Variants in INPP5E observed in about 807,000 individuals in gnomAD.
The protein encoded by INPP5E is inositol polyphosphate-5-phosphatase E, also known as phosphatidylinositol polyphosphate 5-phosphatase type IV.
INPP5E carries 34 observed loss-of-function variants against 50.5 expected under a neutral mutation model. The observed-to-expected ratio is 0.67, with a 90% CI of 0.51 to 0.90. The LOEUF (loss-of-function observed/expected upper bound fraction) is 0.90, where lower values mean the gene tolerates loss of function less well. Among genes scored for constraint, INPP5E ranks in the 40% least tolerant of loss-of-function variants. The pLI, the probability that INPP5E is intolerant of heterozygous loss-of-function variation, is 0.00. For missense variants in INPP5E, 942 were observed against 905.5 expected (o/e 1.04, Z -0.52); for synonymous variants, 447 against 406.0 (o/e 1.10, Z -1.21).
At chr9:136,429,887 G>A (rs1328242160) in intron 9 of INPP5E, 80 bp from the exon 10 acceptor site, 1 of 1,063,918 alleles carries the variant, frequency 9.4e-7, no homozygotes, top group Non-Finnish European at 1.4e-6. Flanking sequence ...CCCCGGAGGA[G>A]GGGGCATTTA....
At chr9:136,435,229 C>T (rs960497066) in intron 1 of INPP5E, among the ~76,000 whole-genome samples, 2 of 152,204 alleles carry the variant, frequency 1.3e-5, no homozygotes, top group Admixed American at 1.3e-4. Flanking sequence ...GGTCCTCCTC[C>T]TTTCTCCTTT....
chr9:136,431,149 G>A, intron 7 of INPP5E, 32 bp from the exon 8 acceptor site: 8 of 1,477,620 alleles, frequency 5.4e-6, no homozygotes, highest in Non-Finnish European at 7.5e-6. Flanking sequence ...GACTGGCTCA[G>A]ACCAGCTTGT....
Position 136,429,404 on chromosome 9 carries a change from G to C in INPP5E, c.*271C>G, listed in dbSNP as rs1442333164. ...CCCCCGAGAGTGGCTGGGGTCCGTG[G>C]TGCTGCTGGGCGGGTCCAAACCCTG... On this transcript the variant is annotated 3_prime_UTR_variant, in exon 10 of 10. Coordinates refer to ENST00000371712, the MANE Select transcript of INPP5E (RefSeq NM_019892.6). 3 of 553,408 alleles carry C rather than the reference G, an allele frequency of 5.4e-6. No homozygotes were observed. The highest frequency in any genetic ancestry group is 9.8e-6 in the Non-Finnish European group (3 of 306,280). The allele number at this position is 553,408 out of a possible 1,614,324, so 34.3% of individuals were successfully genotyped here.
chr9:136,432,931 G>C, intron 5 of INPP5E, 25 bp downstream of exon 5: 1 of 1,610,198 alleles, frequency 6.2e-7, no homozygotes, highest in Non-Finnish European at 8.5e-7. Flanking sequence ...CACAGCACCT[G>C]CGGTGCGGGC....
chr9:136,431,908 C>A lies in INPP5E; in HGVS notation c.1465G>T (p.Val489Leu). The A allele has an allele frequency of 3.7e-6, 6 of 1,611,226 alleles. No individual in the cohort carries two copies. The highest frequency in any genetic ancestry group is 5.1e-6 in the Non-Finnish European group (6 of 1,179,540). The change falls in exon 7 of 10, where the codon GTG becomes TTG. Residue 489 changes from valine to leucine, a missense_variant. Coordinates refer to ENST00000371712, the MANE Select transcript of INPP5E (RefSeq NM_019892.6). ...NFRLSGGRTVVDALLCQGLVV... is the reference protein window; with the variant it reads ...NFRLSGGRTVLDALLCQGLVV... ...AGGCCCTGGCACAGGAGGGCGTCCACGACTGTGCGCCCGCCACTCAGGCGG... is the reference window on the plus strand; with the variant it reads ...AGGCCCTGGCACAGGAGGGCGTCCAAGACTGTGCGCCCGCCACTCAGGCGG...
rs772797832 is a variant in INPP5E at position 136,439,425 on chromosome 9, GTC to G, written c.-8_-7del. 4.1e-5 allele frequency: 60 copies of G among 1,463,884 alleles called. 3 individuals are homozygous for G. The South Asian group carries it at 7.7e-4, about 19-fold the overall frequency. 90.7% of individuals were successfully genotyped at this position (1,463,884 alleles called of 1,614,324 possible). A position where few individuals can be genotyped will look rare whatever the true frequency, so the allele number is the denominator to read the frequency against. ...TTCTCCGCCTTGGACGGCATGGACG[GTC>G]TCTCCCGGGGCAGGCCTCGGCGCGA... On this transcript the variant is annotated 5_prime_UTR_variant, in exon 1 of 10. Transcript: ENST00000371712.
chr9:136,429,358 AG>A lies in INPP5E; in HGVS notation c.*316del, dbSNP rs1189055232. The A allele has an allele frequency of 8.7e-6, 4 of 460,860 alleles. No homozygotes were observed. The highest frequency in any genetic ancestry group is 1.2e-5 in the Non-Finnish European group (3 of 248,734). 28.5% of individuals were successfully genotyped at this position (460,860 alleles called of 1,614,324 possible). On this transcript the variant is annotated 3_prime_UTR_variant, in exon 10 of 10. Transcript: ENST00000371712. ...TGCCCCCAGGGCACAGGAGCTGCTC[AG>A]GAACGGATTCTGACGTCTGCCCCCG... is the stretch of plus-strand genomic sequence containing the variant.
At position 136,434,119 on chromosome 9, in the gene INPP5E, G is replaced by T. The variant is rs1835775767; in HGVS notation, c.952C>A (p.Leu318Met). ...TCGGCTGGGAGCAGGAACTCGTCCA[G>T]GCTGGGCGGGAGCTCCTGGAAGGAG... ...MQGQKELPPS[L>M]DEFLLPAEAD... The change falls in exon 3 of 10, where the codon CTG (leucine) becomes ATG (methionine). Residue 318 changes from leucine to methionine, a missense_variant. Physicochemically the swap from Leu to Met is conservative, Grantham distance 15. Coordinates refer to ENST00000371712, the MANE Select transcript of INPP5E (RefSeq NM_019892.6). 1.2e-6 allele frequency: 2 copies of T among 1,608,460 alleles called. No homozygotes were observed. The highest frequency in any genetic ancestry group is 1.7e-6 in the Non-Finnish European group (2 of 1,178,900).
At chr9:136,436,738 T>C (rs1835840390) in intron 1 of INPP5E, 1 of 152,262 alleles carries the variant, frequency 6.6e-6, no homozygotes, top group African/African-American at 2.4e-5. Context: ...GAGGTTCCAA[T>C]GTATGTCCCT....
At chr9:136,431,216 C>T in intron 7 of INPP5E, 99 bp from the exon 8 acceptor site, 1 of 646,316 alleles carries the variant, frequency 1.5e-6, no homozygotes, top group Admixed American at 2.3e-5. Flanking sequence ...CGCCCACCCT[C>T]CCCCCACCCG....
intron 3 of INPP5E, 50 bp from the exon 4 acceptor site, chr9:136,433,329 G>A (rs769344808): frequency 8.9e-5 from 137 of 1,536,686 alleles, no homozygotes; most frequent in Non-Finnish European, 1.1e-4. Flanking sequence ...TCCCAGCTCC[G>A]CCACCCCCAG....
In INPP5E at chr9:136,429,281, T is replaced by G. The variant is rs1588830080; in HGVS notation, c.*394A>C. ...GACACAGATGGACGCCTGCTTCGGG[T>G]GTGGAGGGAGAGGCTGGTGCAGAGC... On this transcript the variant is annotated 3_prime_UTR_variant, in exon 10 of 10. Coordinates refer to ENST00000371712, the MANE Select transcript of INPP5E (RefSeq NM_019892.6). 3.0e-6 allele frequency: 1 copy of G among 330,766 alleles called. No homozygotes were observed. The highest frequency in any genetic ancestry group is 5.9e-6 in the Non-Finnish European group (1 of 169,006). 20.5% of individuals were successfully genotyped at this position (330,766 alleles called of 1,614,324 possible).
chr9:136,433,848 C>T, intron 3 of INPP5E, among the ~76,000 whole-genome samples, 189 bp downstream of exon 3: 1 of 152,100 alleles, frequency 6.6e-6, no homozygotes, highest in East Asian at 1.9e-4. Context: ...GAGACGGCAG[C>T]CCCCGGGCAG....
In INPP5E at chr9:136,433,083, A is replaced by G; in HGVS notation, c.1160-8T>C. The G allele has an allele frequency of 1.2e-6, 2 of 1,608,860 alleles. No individual in the cohort carries two copies. Among genetic ancestry groups the G allele is most frequent in the Non-Finnish European group, 1.7e-6 (2 of 1,179,356 alleles). ...CCGTGGAGCACTCCACCTCTGTGGG[A>G]GGGGCAGCCCTCAGCTCACCTGTGG... On this transcript the variant is annotated splice_polypyrimidine_tract_variant and splice_region_variant and intron_variant, in intron 4 of 9. Coordinates refer to ENST00000371712, the MANE Select transcript of INPP5E (RefSeq NM_019892.6).
intron 1 of INPP5E, among the ~76,000 whole-genome samples, chr9:136,435,222 C>T (rs1835804421): frequency 6.6e-6 from 1 of 152,166 alleles, no homozygotes. Context: ...AGGGGCTGGT[C>T]CTCCTCCTTT....
rs756308371 is a variant in INPP5E, at chr9:136,433,297, C to T, written c.1035-18G>A. 3.0e-5 allele frequency: 47 copies of T among 1,567,506 alleles called. No individual in the cohort carries two copies. The East Asian group carries it at 7.0e-4, about 23-fold the overall frequency. ...ACTCCCGCCTGCAGAGGAGGAAGCACGGCCGGCTGGGGGACATGGCCTCCC... is the reference window on the plus strand; with the variant it reads ...ACTCCCGCCTGCAGAGGAGGAAGCATGGCCGGCTGGGGGACATGGCCTCCC... On this transcript the variant is annotated intron_variant, in intron 3 of 9. Coordinates refer to ENST00000371712, the MANE Select transcript of INPP5E (RefSeq NM_019892.6).
chr9:136,432,040 C>T (rs1835719958), intron 6 of INPP5E, 55 bp from the exon 7 acceptor site: 1 of 1,607,104 alleles, frequency 6.2e-7, no homozygotes, highest in Non-Finnish European at 8.5e-7. Context: ...AGGTCCTTCC[C>T]CTTCCCCAGA....
chr9:136,439,354 C>T lies in INPP5E; in HGVS notation c.66G>A (p.Thr22=), dbSNP rs989328843. 2 of 1,441,416 alleles carry T rather than the reference C, an allele frequency of 1.4e-6. No individual in the cohort carries two copies. Among genetic ancestry groups the T allele is most frequent in the East Asian group, 2.9e-5 (1 of 34,164 alleles). The allele number at this position is 1,441,416 out of a possible 1,614,324, so 89.3% of individuals were successfully genotyped here. A position where few individuals can be genotyped will look rare whatever the true frequency, so the allele number is the denominator to read the frequency against. The change falls in exon 1 of 10, where the codon ACG becomes ACA. Residue 22 remains threonine, a synonymous_variant. Coordinates refer to ENST00000371712, the MANE Select transcript of INPP5E (RefSeq NM_019892.6). ...GAGCGCCGGGAAGCTGTCCTTGGAG[C>T]GTCCTCCCTTCCGGCGGCTGCGGGG... ...EPAPQPPEGR[T]LQGQLPGAPP...
chr9:136,433,121 T>TTCCAGCTGCGCCCACCCC (rs1835749547), intron 4 of INPP5E, 34 bp downstream of exon 4: 10 of 1,357,716 alleles, frequency 7.4e-6, no homozygotes, highest in African/African-American at 6.7e-5. Flanking sequence ...CGCTGCCACC[T>TTCCAGCTGCGCCCACCCC]TCCAGCCGCG....
Sources: gnomAD v4.1 joint callset for allele counts (sites outside exome capture counted in the v4.1 genomes callset) on GRCh38, gnomAD v4.1.1 for gene constraint, MANE v1.5 for transcripts, NCBI Gene and HGNC (gene_info 2026-07-23, HGNC 2026-07-21) for gene names.